SDK1: variants seen among roughly 807,000 people sequenced by gnomAD.
The protein encoded by SDK1 is sidekick cell adhesion molecule 1.
In SDK1, 157 loss-of-function variants were observed where a neutral mutation model predicts 245.5. The ratio of observed to expected loss-of-function variants is 0.64; its 90% CI spans 0.56 to 0.73. The LOEUF (loss-of-function observed/expected upper bound fraction) is 0.73. SDK1 is among the 30% of genes least tolerant of loss of function. The pLI, the probability that SDK1 is intolerant of heterozygous loss-of-function variation, is 0.00. For synonymous variants in SDK1, 1,647 were observed against 1,278.5 expected, an observed-to-expected ratio of 1.29 and a Z score of -6.15; for missense variants, 3,583 against 3,002.3, an observed-to-expected ratio of 1.19 and a Z score of -4.52.
intron 35 of SDK1, among the ~76,000 whole-genome samples, chr7:4,179,568 G>A (rs542812963): frequency 4.8e-4 from 73 of 152,250 alleles, no homozygotes; most frequent in Non-Finnish European, 9.6e-4. Flanking sequence ...ATGAGGATGC[G>A]TGGAGAGAGG....
intron 1 of SDK1, among the ~76,000 whole-genome samples, chr7:3,453,080 C>A (rs1209953240): frequency 6.6e-6 from 1 of 152,154 alleles, no homozygotes; most frequent in Non-Finnish European, 1.5e-5. Context: ...TGTGTCACAG[C>A]ACCATTGGTA....
At chr7:3,507,365 A>C (rs888353561) in intron 1 of SDK1, among the ~76,000 whole-genome samples, 2 of 152,038 alleles carry the variant, frequency 1.3e-5, no homozygotes, top group Non-Finnish European at 2.9e-5. Flanking sequence ...TCTCCCTTCA[A>C]ATTGCTCTGA....
chr7:4,138,114 G>A (rs1358884167), intron 28 of SDK1, among the ~76,000 whole-genome samples: 3 of 152,206 alleles, frequency 2.0e-5, no homozygotes, highest in East Asian at 3.8e-4. Flanking sequence ...TTTTCTTCCA[G>A]TGCCTAGGGA....
At chr7:3,740,511 A>T (rs1358367236) in intron 4 of SDK1, among the ~76,000 whole-genome samples, 1 of 152,190 alleles carries the variant, frequency 6.6e-6, no homozygotes, top group African/African-American at 2.4e-5. Flanking sequence ...TTTAGGTCAG[A>T]TACAGGCAAG....
At chr7:3,760,955 A>G (rs1780080187) in intron 4 of SDK1, among the ~76,000 whole-genome samples, 1 of 152,206 alleles carries the variant, frequency 6.6e-6, no homozygotes, top group African/African-American at 2.4e-5. Flanking sequence ...CATCTGTTGA[A>G]GAATGTTTTG....
At chr7:4,161,569 C>G (rs1232483898) in intron 31 of SDK1, among the ~76,000 whole-genome samples, 1 of 152,126 alleles carries the variant, frequency 6.6e-6, no homozygotes, top group Non-Finnish European at 1.5e-5. Flanking sequence ...GTCTGTTTCT[C>G]GGGGCCATTG....
At chr7:3,783,932 C>T (rs964521594) in intron 4 of SDK1, among the ~76,000 whole-genome samples, 1 of 150,856 alleles carries the variant, frequency 6.6e-6, no homozygotes, top group East Asian at 1.9e-4. Flanking sequence ...GAAGGCATCA[C>T]ACTACCTGGT....
chr7:4,134,831 C>T (rs1296009932), intron 28 of SDK1: 1 of 152,412 alleles, frequency 6.6e-6, no homozygotes, highest in Non-Finnish European at 1.5e-5. Flanking sequence ...CTGTGCTTCT[C>T]TCTTGCCACA....
At chr7:3,451,398 G>A (rs1459911007) in intron 1 of SDK1, among the ~76,000 whole-genome samples, 3 of 152,062 alleles carry the variant, frequency 2.0e-5, no homozygotes, top group Non-Finnish European at 4.4e-5. Flanking sequence ...CTGCGTTTTT[G>A]TTTGTGAATT....
At chr7:4,209,788 C>G (rs1284308145) in intron 37 of SDK1, among the ~76,000 whole-genome samples, 18 of 152,172 alleles carry the variant, frequency 1.2e-4, no homozygotes, top group Admixed American at 1.2e-3. Context: ...TCTCAAGCCC[C>G]TTTGTGTTTA....
At chr7:3,538,559 TC>T (rs967368257) in intron 1 of SDK1, among the ~76,000 whole-genome samples, 5 of 152,226 alleles carry the variant, frequency 3.3e-5, no homozygotes, top group Non-Finnish European at 7.3e-5. Context: ...AAGGTAAATC[TC>T]CCCACTTACC....
At chr7:3,383,715 A>G (rs1176323066) in intron 1 of SDK1, among the ~76,000 whole-genome samples, 3 of 152,218 alleles carry the variant, frequency 2.0e-5, no homozygotes, top group African/African-American at 7.2e-5. Flanking sequence ...AATTGCACAA[A>G]TTACTGTAGC....
Position 4,265,516 on chromosome 7 carries a change from T to TTAC in SDK1, c.*133_*135dup. 7.3e-7 allele frequency: 1 copy of TTAC among 1,369,444 alleles called. No individual in the cohort carries two copies. The highest frequency in any genetic ancestry group is 9.3e-7 in the Non-Finnish European group (1 of 1,070,026). 84.8% of individuals were successfully genotyped at this position (1,369,444 alleles called of 1,614,324 possible). On this transcript the variant is annotated 3_prime_UTR_variant, in exon 45 of 45. Transcript: ENST00000404826. ...GAAAAAAATCTGATAAGTGATGATT[T>TTAC]TACCTACTTGTGGACACTAGATTTC...
At chr7:4,016,614 C>A (rs917917302) in intron 16 of SDK1, among the ~76,000 whole-genome samples, 6 of 152,196 alleles carry the variant, frequency 3.9e-5, no homozygotes, top group Non-Finnish European at 5.9e-5. Flanking sequence ...TCACAGAGGT[C>A]TTCTACAAAG....
intron 22 of SDK1, among the ~76,000 whole-genome samples, chr7:4,101,164 T>C (rs1782511817): frequency 6.6e-6 from 1 of 151,814 alleles, no homozygotes; most frequent in Non-Finnish European, 1.5e-5. Flanking sequence ...TTTTTTTTTT[T>C]TTGAGACGGA....
chr7:4,190,911 C>T (rs915954974), intron 35 of SDK1, among the ~76,000 whole-genome samples: 5 of 152,146 alleles, frequency 3.3e-5, no homozygotes, highest in Admixed American at 6.5e-5. Context: ...GGGTGGAGGG[C>T]GGGGAGGCTC....
At chr7:3,884,003 A>T (rs1323012439) in intron 5 of SDK1, among the ~76,000 whole-genome samples, 1 of 151,932 alleles carries the variant, frequency 6.6e-6, no homozygotes, top group Admixed American at 6.6e-5. Flanking sequence ...CCTTAGGAAG[A>T]TATTTAAAAC....
chr7:3,591,087 T>C (rs1328585473), intron 1 of SDK1, among the ~76,000 whole-genome samples: 1 of 152,204 alleles, frequency 6.6e-6, no homozygotes, highest in African/African-American at 2.4e-5. Flanking sequence ...AATCATATTA[T>C]TTGTTTAAAG....
rs1458069074 is a variant in SDK1, at chr7:3,574,921, G to A, written c.299-44159G>A. ...TCTGAGTTGTAGAAAGTGAGTGTGAGCTGTTGTGTGGGAGCCTCTTGGTAG... is the reference window on the plus strand; with the variant it reads ...TCTGAGTTGTAGAAAGTGAGTGTGAACTGTTGTGTGGGAGCCTCTTGGTAG... On this transcript the variant is annotated intron_variant, in intron 1 of 44. Coordinates refer to ENST00000404826, the MANE Select transcript of SDK1 (RefSeq NM_152744.4). Among the ~76,000 whole-genome samples, 3 of 152,032 alleles carry A rather than the reference G, an allele frequency of 2.0e-5. 1 individual carries two copies. Among genetic ancestry groups the A allele is most frequent in the African/African-American group, 7.2e-5 (3 of 41,444 alleles).
Sources: gnomAD v4.1 joint callset for allele counts (sites outside exome capture counted in the v4.1 genomes callset) on GRCh38, gnomAD v4.1.1 for gene constraint, MANE v1.5 for transcripts, NCBI Gene and HGNC (gene_info 2026-07-23, HGNC 2026-07-21) for gene names.